The following INVS variants were observed in gnomAD, a reference collection of about 807,000 sequenced individuals.
The protein encoded by INVS is inversion of embryo turning homolog.
Under a neutral mutation model 108.8 loss-of-function variants are expected in INVS, and 86 were observed. That is an observed-to-expected ratio of 0.79 (90% CI 0.66 to 0.95). The LOEUF (loss-of-function observed/expected upper bound fraction) is 0.95, where lower values mean the gene tolerates loss of function less well. Ranked by LOEUF, INVS falls within the 40% of genes least tolerant of loss-of-function variation. INVS has a pLI of 0.00. For synonymous variants in INVS, 455 were observed against 473.5 expected (o/e 0.96, Z 0.51); for missense variants, 1,169 against 1,297.4 (o/e 0.90, Z 1.52).
intron 1 of INVS, among the ~76,000 whole-genome samples, chr9:100,103,980 A>G (rs900364248): frequency 2.0e-5 from 3 of 152,138 alleles, no homozygotes; most frequent in African/African-American, 7.2e-5. Flanking sequence ...AATGTTTAAT[A>G]TTATGTGGCA....
intron 3 of INVS, among the ~76,000 whole-genome samples, chr9:100,163,906 G>T (rs1316304640): frequency 6.6e-6 from 1 of 151,184 alleles, no homozygotes; most frequent in African/African-American, 2.5e-5. Context: ...TGCACAAGAG[G>T]GTATGGTTAT....
chr9:100,101,085 CAT>C (rs1048343895), intron 1 of INVS, among the ~76,000 whole-genome samples: 7 of 123,334 alleles, frequency 5.7e-5, no homozygotes, highest in African/African-American at 2.2e-4. Flanking sequence ...CACACACACA[CAT>C]ATATATAAAA....
intron 3 of INVS, among the ~76,000 whole-genome samples, chr9:100,156,701 T>C (rs185369225): frequency 3.6e-4 from 55 of 152,286 alleles, no homozygotes; most frequent in Non-Finnish European, 6.3e-4. Flanking sequence ...TTGAGGACAA[T>C]CAACTATATT....
chr9:100,199,588 C>T (rs553793203), intron 3 of INVS, among the ~76,000 whole-genome samples: 7 of 152,152 alleles, frequency 4.6e-5, no homozygotes, highest in African/African-American at 1.2e-4. Flanking sequence ...TTTCACTTAC[C>T]GCATTGGAAT....
In INVS at chr9:100,183,475, AT is replaced by A. The variant is rs1298002296; in HGVS notation, c.274-42584del. Among the ~76,000 whole-genome samples, 3 of 152,270 alleles carry A rather than the reference AT, an allele frequency of 2.0e-5. No homozygotes were observed. In the East Asian group the frequency reaches 5.8e-4, roughly 29 times the overall value. On this transcript the variant is annotated intron_variant, in intron 3 of 16. Coordinates refer to ENST00000262457, the MANE Select transcript of INVS (RefSeq NM_014425.5). ...AATAAGGACAAACAAAACTAAGATA[AT>A]TTATCCCAAACAAACCTATATTAAA...
At chr9:100,233,613 A>G (rs1465135098) in intron 5 of INVS, among the ~76,000 whole-genome samples, 1 of 152,184 alleles carries the variant, frequency 6.6e-6, no homozygotes, top group Non-Finnish European at 1.5e-5. Flanking sequence ...CCTTTTCTGC[A>G]TCTATTGAGA....
intron 10 of INVS, among the ~76,000 whole-genome samples, chr9:100,255,555 A>G (rs577348393): frequency 2.1e-4 from 32 of 152,294 alleles, no homozygotes; most frequent in African/African-American, 7.7e-4. Flanking sequence ...TGGGTTTGTC[A>G]TAAATAGCTC....
intron 3 of INVS, among the ~76,000 whole-genome samples, chr9:100,217,064 G>A (rs553092033): frequency 7.8e-4 from 119 of 152,206 alleles, no homozygotes; most frequent in African/African-American, 2.6e-3. Context: ...ATCCCAGAAC[G>A]TTGAGAGGCC....
intron 3 of INVS, among the ~76,000 whole-genome samples, chr9:100,169,291 A>AT (rs1413987398): frequency 6.6e-6 from 1 of 152,194 alleles, no homozygotes; most frequent in East Asian, 1.9e-4. Context: ...CAATGGTATC[A>AT]TGTCCAACTC....
intron 3 of INVS, among the ~76,000 whole-genome samples, chr9:100,193,613 C>T (rs991799831): frequency 6.6e-6 from 1 of 152,168 alleles, no homozygotes; most frequent in Non-Finnish European, 1.5e-5. Context: ...CCTCCCTCCC[C>T]AAGCAACCAG....
intron 3 of INVS, among the ~76,000 whole-genome samples, chr9:100,133,800 C>CACACACACACAT (rs1828130348): frequency 6.7e-6 from 1 of 148,330 alleles, no homozygotes; most frequent in Non-Finnish European, 1.5e-5. Context: ...CACACACACA[C>CACACACACACAT]ACACATACAC....
intron 3 of INVS, among the ~76,000 whole-genome samples, chr9:100,151,597 A>G (rs949870380): frequency 1.4e-4 from 21 of 152,214 alleles, no homozygotes; most frequent in African/African-American, 5.1e-4. Flanking sequence ...GGCCATTGTC[A>G]AGAATATGTT....
At chr9:100,141,832 C>T (rs1384909506) in intron 3 of INVS, among the ~76,000 whole-genome samples, 1 of 152,096 alleles carries the variant, frequency 6.6e-6, no homozygotes, top group African/African-American at 2.4e-5. Flanking sequence ...GACGGGCTAG[C>T]GGCTTGTAAC....
intron 1 of INVS, among the ~76,000 whole-genome samples, chr9:100,100,919 TATATATATAATATATATA>T (rs1187991638): frequency 4.0e-5 from 1 of 25,230 alleles, no homozygotes. Flanking sequence ...ATATTATATG[TATATATATAATATATATA>T]ATATATATAC....
rs1830649149 is a variant in INVS, at chr9:100,205,552, A to G, written c.274-20510A>G. Among the ~76,000 whole-genome samples the G allele has an allele frequency of 2.0e-5, 3 of 152,210 alleles. No homozygotes were observed. The South Asian group carries it at 6.2e-4, about 32-fold the overall frequency. On this transcript the variant is annotated intron_variant, in intron 3 of 16. Transcript: ENST00000262457. ...ATACTTGAAACAAGAGTAATATAGA[A>G]ATAAACTTCATAGTAAATGTCTTAG...
At chr9:100,284,251 C>G (rs1833363312) in intron 12 of INVS, 69 bp from the exon 13 acceptor site, 5 of 1,579,696 alleles carry the variant, frequency 3.2e-6, no homozygotes, top group African/African-American at 1.3e-5. Context: ...AAAATTTAAA[C>G]TCACACAGAG....
At chr9:100,203,501 CT>C (rs34618293) in intron 3 of INVS, among the ~76,000 whole-genome samples, 87 of 123,112 alleles carry the variant, frequency 7.1e-4, no homozygotes, top group South Asian at 4.1e-3. Flanking sequence ...CCAAAGCTTC[CT>C]TTTTTTTTTT....
intron 10 of INVS, among the ~76,000 whole-genome samples, chr9:100,262,726 T>G (rs921163978): frequency 2.1e-5 from 3 of 145,038 alleles, no homozygotes; most frequent in African/African-American, 7.4e-5. Context: ...TTTGAGATTT[T>G]GGGTTTTTTT....
intron 10 of INVS, among the ~76,000 whole-genome samples, chr9:100,257,414 G>C (rs903954790): frequency 2.0e-5 from 3 of 152,142 alleles, no homozygotes; most frequent in Non-Finnish European, 4.4e-5. Flanking sequence ...TACATTTAAG[G>C]TTAATATTGT....
Sources: gnomAD v4.1 joint callset for allele counts (sites outside exome capture counted in the v4.1 genomes callset) on GRCh38, gnomAD v4.1.1 for gene constraint, MANE v1.5 for transcripts, NCBI Gene and HGNC (gene_info 2026-07-23, HGNC 2026-07-21) for gene names.